Variants in PCDHA6 observed in about 807,000 individuals in gnomAD.
The protein encoded by PCDHA6 is protocadherin alpha 6, also known as protocadherin alpha-6.
A neutral mutation model predicts 60.3 loss-of-function variants in PCDHA6; 55 were observed. The observed-to-expected ratio is 0.91, with a 90% confidence interval of 0.73 to 1.14. PCDHA6 has a LOEUF of 1.14. Ranked by LOEUF, PCDHA6 falls within the 50% of genes most tolerant of loss-of-function variation. The pLI is 0.00. For missense variants in PCDHA6, 1,327 were observed against 1,256.5 expected, an observed-to-expected ratio of 1.06 and a Z score of -0.85; for synonymous variants, 652 against 557.9, an observed-to-expected ratio of 1.17 and a Z score of -2.38.
intron 1 of PCDHA6, chr5:140,875,158 AC>A: frequency 3.0e-6 from 1 of 338,826 alleles, no homozygotes; most frequent in East Asian, 5.5e-5. Flanking sequence ...GTGAAAAATA[AC>A]CCAAAGTCGA....
chr5:140,890,870 T>A (rs1217710440), intron 1 of PCDHA6, among the ~76,000 whole-genome samples: 1 of 152,226 alleles, frequency 6.6e-6, no homozygotes, highest in Non-Finnish European at 1.5e-5. Flanking sequence ...CTTGCCCCTC[T>A]GACCTTTCAT....
intron 1 of PCDHA6, chr5:140,855,836 AC>A (rs1444767908): frequency 1.7e-6 from 1 of 600,200 alleles, no homozygotes; most frequent in Non-Finnish European, 2.9e-6. Flanking sequence ...AATCGTACTT[AC>A]ACCTAAAGCC....
chr5:140,877,547 C>T lies in PCDHA6; in HGVS notation c.2394+47062C>T, dbSNP rs782342116. ...GTGGGCGCTGTGGATCCCGAAGCGG[C>T]TCTGGTGGATATTAACGTGTACCTC... On this transcript the variant is annotated intron_variant, in intron 1 of 3. Transcript: ENST00000529310. The T allele has an allele frequency of 2.5e-6, 4 of 1,613,656 alleles. No individual in the cohort carries two copies. The highest frequency in any genetic ancestry group is 1.3e-5 in the African/African-American group (1 of 74,930).
chr5:140,864,592 C>G (rs1005645849), intron 1 of PCDHA6: 6 of 152,206 alleles, frequency 3.9e-5, no homozygotes, highest in South Asian at 4.1e-4. Flanking sequence ...TCAACTACTT[C>G]AGATAGCCAA....
At chr5:140,869,226 C>T (rs1428940405) in intron 1 of PCDHA6, 5 of 1,613,644 alleles carry the variant, frequency 3.1e-6, no homozygotes, top group African/African-American at 1.3e-5. Context: ...AGGCCAAACA[C>T]GGCACCTTCG....
At chr5:140,959,956 G>A (rs78198535) in intron 1 of PCDHA6, among the ~76,000 whole-genome samples, 3,568 of 152,304 alleles carry the variant, frequency 0.023, 49 homozygotes, top group Middle Eastern at 0.034. Flanking sequence ...TCATAGGTAG[G>A]AGGTAGATGT....
chr5:140,858,272 G>C, intron 1 of PCDHA6: 1 of 1,597,346 alleles, frequency 6.3e-7, no homozygotes, highest in Non-Finnish European at 8.6e-7. Flanking sequence ...GTGCTCTAGC[G>C]CGGTGGGGAG....
rs376026810 is a variant in PCDHA6 at position 140,944,280 on chromosome 5, C to T, written c.2395-34669C>T. 2.0e-4 allele frequency among the ~76,000 whole-genome samples: 31 copies of T among 152,226 alleles called. 1 individual carries two copies. The South Asian group carries it at 2.9e-3, about 14-fold the overall frequency. Reference sequence around the variant, plus strand: ...ACTGCTCACTGCAGCCTTGACACCCCGGGCTCAAGCGATCCTCCTACCTCA... The same window carrying T: ...ACTGCTCACTGCAGCCTTGACACCCTGGGCTCAAGCGATCCTCCTACCTCA... On this transcript the variant is annotated intron_variant, in intron 1 of 3. Coordinates refer to ENST00000529310, the MANE Select transcript of PCDHA6 (RefSeq NM_018909.4).
chr5:140,858,566 G>A (rs2045486949), intron 1 of PCDHA6: 1 of 1,375,796 alleles, frequency 7.3e-7, no homozygotes, highest in African/African-American at 1.4e-5. Context: ...TATTTCTAGT[G>A]ATACCTTTGT....
intron 1 of PCDHA6, chr5:140,882,249 T>C (rs1412428548): frequency 6.3e-7 from 1 of 1,595,264 alleles, no homozygotes; most frequent in Non-Finnish European, 8.5e-7. Flanking sequence ...CAGATAGCTC[T>C]GAGGTTTTTG....
chr5:140,847,204 C>G (rs916100190), intron 1 of PCDHA6, among the ~76,000 whole-genome samples: 5 of 149,612 alleles, frequency 3.3e-5, no homozygotes, highest in African/African-American at 1.2e-4. Flanking sequence ...TTTGGCCACT[C>G]TTTAGAATTA....
At position 140,842,418 on chromosome 5, in the gene PCDHA6, G is replaced by A. The variant is rs2150335492; in HGVS notation, c.2394+11933G>A. The A allele has an allele frequency of 1.9e-5, 31 of 1,613,276 alleles. No individual in the cohort carries two copies. In the South Asian group the frequency reaches 2.9e-4, roughly 15 times the overall value. On this transcript the variant is annotated intron_variant, in intron 1 of 3. Coordinates refer to ENST00000529310, the MANE Select transcript of PCDHA6 (RefSeq NM_018909.4). ...CCTGTACGTGAAGACGCTCAATTTG[G>A]TACTGTCATCGCCCTAATTAGCGTG...
At chr5:140,922,815 C>G (rs2081002299) in intron 1 of PCDHA6, among the ~76,000 whole-genome samples, 2 of 152,158 alleles carry the variant, frequency 1.3e-5, no homozygotes, top group Non-Finnish European at 2.9e-5. Context: ...AAAGGAGATA[C>G]AGCATACTGC....
At chr5:140,966,821 C>T (rs1554228738) in intron 1 of PCDHA6, 1 of 1,557,928 alleles carries the variant, frequency 6.4e-7, no homozygotes, top group Admixed American at 1.9e-5. Flanking sequence ...GCTCCGGCGG[C>T]CCATGCCCTG....
chr5:140,853,773 G>T lies in PCDHA6; in HGVS notation c.2394+23288G>T, dbSNP rs1314625859. The T allele has an allele frequency of 6.1e-6, 6 of 987,764 alleles. No homozygotes were observed. The African/African-American group carries it at 1.1e-4, about 17-fold the overall frequency. 61.2% of individuals were successfully genotyped at this position (987,764 alleles called of 1,614,324 possible). On this transcript the variant is annotated intron_variant, in intron 1 of 3. Transcript: ENST00000529310. ...GGCTCCACCTCAGAAATTCTGAAAT[G>T]GGTAGTAAGAGCAAATTTTCATTTT...
chr5:140,836,677 C>T, intron 1 of PCDHA6: 1 of 1,613,398 alleles, frequency 6.2e-7, no homozygotes, highest in East Asian at 2.2e-5. Context: ...GAGGGCCCAC[C>T]CAAGACAGAC....
intron 1 of PCDHA6, chr5:140,875,490 A>G: frequency 6.2e-7 from 1 of 1,612,864 alleles, no homozygotes; most frequent in Non-Finnish European, 8.5e-7. Context: ...TTATCGGACC[A>G]AGAGGCCCGG....
chr5:140,921,809 C>T (rs886599958), intron 1 of PCDHA6, among the ~76,000 whole-genome samples: 2 of 151,940 alleles, frequency 1.3e-5, no homozygotes, highest in African/African-American at 4.8e-5. Context: ...AGATAAGATA[C>T]ATGTGTGAAT....
chr5:140,985,060 C>T (rs1377386395), intron 3 of PCDHA6, among the ~76,000 whole-genome samples: 2 of 152,066 alleles, frequency 1.3e-5, no homozygotes, highest in Admixed American at 6.5e-5. Flanking sequence ...GCCTCAGCCT[C>T]CTGAGTAGCT....
Sources: allele counts gnomAD v4.1 joint callset (sites outside exome capture counted in the v4.1 genomes callset), GRCh38; gene constraint gnomAD v4.1.1; transcripts MANE v1.5; gene names NCBI Gene and HGNC (gene_info 2026-07-23, HGNC 2026-07-21).